Variants in LY75 observed in about 807,000 individuals in gnomAD.
LY75 encodes the protein lymphocyte antigen 75.
In LY75, 185 loss-of-function variants were observed where a neutral mutation model predicts 231.7. The ratio of observed to expected loss-of-function variants is 0.80; its 90% CI spans 0.71 to 0.90. The LOEUF is 0.90. Ranked by LOEUF, LY75 falls within the 40% of genes least tolerant of loss-of-function variation. The pLI is 0.00. For missense variants in LY75, 1,947 were observed against 2,050.2 expected (o/e 0.95, Z 0.97); for synonymous variants, 668 against 689.0 (o/e 0.97, Z 0.48).
At chr2:159,845,307 G>A (rs1328448505) in intron 23 of LY75, among the ~76,000 whole-genome samples, 1 of 152,066 alleles carries the variant, frequency 6.6e-6, no homozygotes. Flanking sequence ...TGGAAAAATG[G>A]ACAAGAATAT....
chr2:159,823,748 C>T (rs1395137854), intron 28 of LY75, among the ~76,000 whole-genome samples: 1 of 152,212 alleles, frequency 6.6e-6, no homozygotes. Context: ...AATAGTAGAT[C>T]TCCCTGCAGA....
intron 23 of LY75, among the ~76,000 whole-genome samples, chr2:159,844,713 G>GA (rs951563109): frequency 4.7e-5 from 7 of 148,952 alleles, no homozygotes; most frequent in South Asian, 4.2e-4. Flanking sequence ...GCCTATGGGG[G>GA]AAAAAAAAAC....
intron 25 of LY75, 71 bp downstream of exon 25, chr2:159,840,658 A>C: frequency 6.3e-7 from 1 of 1,592,356 alleles, no homozygotes; most frequent in Non-Finnish European, 8.6e-7. Context: ...GTCTGCTGTG[A>C]GAGAAGCTAT....
At chr2:159,832,739 CA>C (rs1683702176) in intron 27 of LY75, among the ~76,000 whole-genome samples, 2 of 152,338 alleles carry the variant, frequency 1.3e-5, no homozygotes, top group South Asian at 4.1e-4. Flanking sequence ...TAGTGTTTCT[CA>C]ACCTTTTTCT....
At chr2:159,825,690 A>T (rs1353125597) in intron 28 of LY75, among the ~76,000 whole-genome samples, 1 of 152,242 alleles carries the variant, frequency 6.6e-6, no homozygotes, top group East Asian at 1.9e-4. Context: ...TCTGATGAAC[A>T]TCGATGCAAA....
intron 12 of LY75, among the ~76,000 whole-genome samples, chr2:159,873,341 T>C (rs1183829369): frequency 2.6e-5 from 4 of 152,168 alleles, no homozygotes; most frequent in South Asian, 2.1e-4. Context: ...CTTGGCCATA[T>C]GACTTACTGT....
chr2:159,816,686 T>G, intron 30 of LY75, 120 bp downstream of exon 30: 1 of 1,400,870 alleles, frequency 7.1e-7, no homozygotes, highest in Non-Finnish European at 9.6e-7. Flanking sequence ...CACCATGCTA[T>G]GCAAGCGGAG....
intron 3 of LY75, among the ~76,000 whole-genome samples, chr2:159,890,988 G>A (rs914433940): frequency 6.6e-6 from 1 of 152,124 alleles, no homozygotes; most frequent in Non-Finnish European, 1.5e-5. Flanking sequence ...TGTTTGTAGA[G>A]TATGCATAAT....
chr2:159,888,656 T>C (rs985132577), intron 4 of LY75, among the ~76,000 whole-genome samples: 3 of 152,170 alleles, frequency 2.0e-5, no homozygotes, highest in Admixed American at 1.3e-4. Flanking sequence ...ACATGTTTGC[T>C]TAATATATAG....
intron 5 of LY75, among the ~76,000 whole-genome samples, 189 bp downstream of exon 5, chr2:159,886,231 A>G: frequency 6.6e-6 from 1 of 152,188 alleles, no homozygotes; most frequent in East Asian, 1.9e-4. Context: ...TCAGTTGTCC[A>G]TGGTGTGGTT....
intron 25 of LY75, among the ~76,000 whole-genome samples, chr2:159,839,179 T>G (rs1295178037): frequency 6.6e-6 from 1 of 152,212 alleles, no homozygotes; most frequent in East Asian, 1.9e-4. Flanking sequence ...AATTGAGCTT[T>G]TGATAACAAT....
Position 159,816,995 on chromosome 2 carries a change from C to A in LY75, c.4191G>T (p.Gln1397His). 2.5e-6 allele frequency: 4 copies of A among 1,614,044 alleles called. No homozygotes were observed. The highest frequency in any genetic ancestry group is 1.7e-6 in the Non-Finnish European group (2 of 1,179,962). Residue 1397 changes from glutamine to histidine, a missense_variant, in exon 30 of 35, where the codon CAG becomes CAT. Physicochemically the swap from Gln to His is conservative, Grantham distance 24. Transcript: ENST00000263636. ...AAATACCATCTTCATATGGCATAAACTGTGGCAGTGTAGTATTATATTCTT... is the reference window on the plus strand; with the variant it reads ...AAATACCATCTTCATATGGCATAAAATGTGGCAGTGTAGTATTATATTCTT... ...YKEEYNTTLP[Q>H]FMPYEDGIYS...
Position 159,835,652 on chromosome 2 carries a change from G to C in LY75, c.3508-7C>G. 1 of 1,611,110 alleles carries C rather than the reference G, an allele frequency of 6.2e-7. No individual in the cohort carries two copies. The highest frequency in any genetic ancestry group is 8.5e-7 in the Non-Finnish European group (1 of 1,179,018). ...AACCAAAGTTGAGTTCATCCTGTAA[G>C]GAGCAGAAGTACATTTCAGGTGGCA... On this transcript the variant is annotated splice_region_variant and splice_polypyrimidine_tract_variant and intron_variant, in intron 25 of 34. Transcript: ENST00000263636.
In LY75 at chr2:159,872,524, CAAGGGCTTGGCA is replaced by C. The variant is rs780515802; in HGVS notation, c.2032_2043del (p.Cys678_Leu681del). ...TGGCTGAAGCTAGAAAGGTGTGCTC[CAAGGGCTTGGCA>C]GAATCGTTCAGCTTCTTCCCAGTTC... On this transcript the variant is annotated inframe_deletion, in exon 13 of 35. Coordinates refer to ENST00000263636, the MANE Select transcript of LY75 (RefSeq NM_002349.4). 3 of 1,613,856 alleles carry C rather than the reference CAAGGGCTTGGCA, an allele frequency of 1.9e-6. No individual in the cohort carries two copies. The highest frequency in any genetic ancestry group is 3.3e-5 in the Admixed American group (2 of 59,958).
intron 1 of LY75, among the ~76,000 whole-genome samples, chr2:159,900,999 C>G (rs559115659): frequency 6.6e-6 from 1 of 152,056 alleles, no homozygotes; most frequent in Non-Finnish European, 1.5e-5. Flanking sequence ...CCACCACACC[C>G]GGGTAATTTT....
chr2:159,879,750 C>T (rs921779186), intron 8 of LY75, among the ~76,000 whole-genome samples: 1 of 152,140 alleles, frequency 6.6e-6, no homozygotes, highest in Non-Finnish European at 1.5e-5. Context: ...ATCAACCTCC[C>T]TTTCTCGGTT....
chr2:159,816,841 C>A lies in LY75; in HGVS notation c.4345G>T (p.Gly1449Ter). The A allele has an allele frequency of 6.2e-7, 1 of 1,614,122 alleles. No homozygotes were observed. The highest frequency in any genetic ancestry group is 2.2e-5 in the East Asian group (1 of 44,880). The part of the protein sequence containing the change: ...LFLEDIVKRD[G>*]FPLWVGLSSH... ...GAGAGCCCAACCCATAGTGGAAATC[C>A]ATCACGTTTTACAATATCTTCCAGA... is the stretch of plus-strand genomic sequence containing the variant. Residue 1449 changes from glycine to a stop codon, truncating the protein, a stop_gained, in exon 30 of 35, where the codon GGA becomes TGA. Transcript: ENST00000263636. LOFTEE classifies it high-confidence loss of function.
chr2:159,874,967 A>AAT lies in LY75; in HGVS notation c.1974+475_1974+476dup, dbSNP rs1165816444. ...TAAATATATTTATAAATATATTTAT[A>AAT]ATATATATATTGTAAATATGTTTAT... On this transcript the variant is annotated intron_variant, in intron 12 of 34. Transcript: ENST00000263636. Among the ~76,000 whole-genome samples, 13 of 138,078 alleles carry AAT rather than the reference A, an allele frequency of 9.4e-5. No homozygotes were observed. The South Asian group carries it at 2.8e-3, about 30-fold the overall frequency. 90.6% of individuals were successfully genotyped at this position (138,078 alleles called of 152,430 possible).
At position 159,876,644 on chromosome 2, in the gene LY75, C is replaced by A. The variant is rs201758351; in HGVS notation, c.1775-1001G>T. On this transcript the variant is annotated intron_variant, in intron 11 of 34. Coordinates refer to ENST00000263636, the MANE Select transcript of LY75 (RefSeq NM_002349.4). ...ATGGAGGAAGTAGTCATGGTAGCTA[C>A]TTCCCAAGCACCTCTCCAACCACCA... 1.2e-4 allele frequency among the ~76,000 whole-genome samples: 18 copies of A among 152,190 alleles called. No homozygotes were observed. The East Asian group carries it at 3.1e-3, about 26-fold the overall frequency.
Sources: gnomAD v4.1 joint callset for allele counts (sites outside exome capture counted in the v4.1 genomes callset) on GRCh38, gnomAD v4.1.1 for gene constraint, MANE v1.5 for transcripts, NCBI Gene and HGNC (gene_info 2026-07-23, HGNC 2026-07-21) for gene names.